CMSS1: variants seen among roughly 807,000 people sequenced by gnomAD.
CMSS1 encodes cms1 ribosomal small subunit homolog, also known as protein CMSS1.
In CMSS1, 33 loss-of-function variants were observed where a neutral mutation model predicts 43.5. The observed-to-expected ratio is 0.76, with a 90% CI of 0.57 to 1.01. CMSS1 has a LOEUF of 1.01. CMSS1 is among the 50% of genes least tolerant of loss of function. CMSS1 has a pLI of 0.00. For synonymous variants in CMSS1, 115 were observed against 117.2 expected, an observed-to-expected ratio of 0.98 and a Z score of 0.12; for missense variants, 313 against 326.4, an observed-to-expected ratio of 0.96 and a Z score of 0.32.
chr3:99,888,429 A>G (rs1236769441), intron 1 of CMSS1, among the ~76,000 whole-genome samples: 2 of 152,138 alleles, frequency 1.3e-5, no homozygotes, highest in African/African-American at 2.4e-5. Context: ...AGTAATTATG[A>G]TTTACCAAAG....
At chr3:99,830,886 G>A (rs1415659494) in intron 1 of CMSS1, among the ~76,000 whole-genome samples, 1 of 152,230 alleles carries the variant, frequency 6.6e-6, no homozygotes, top group East Asian at 1.9e-4. Context: ...ATATACAAGA[G>A]TAGTGTCCCA....
chr3:99,848,256 G>A (rs746394253), intron 1 of CMSS1: 14 of 1,607,768 alleles, frequency 8.7e-6, no homozygotes, highest in African/African-American at 1.3e-5. Flanking sequence ...AGTATGGACT[G>A]GATGAGGGTG....
intron 1 of CMSS1, among the ~76,000 whole-genome samples, chr3:100,079,135 T>C (rs1330046536): frequency 6.6e-6 from 1 of 152,182 alleles, no homozygotes; most frequent in African/African-American, 2.4e-5. Flanking sequence ...TCCCCAGTCC[T>C]CTCAGCGTTA....
At chr3:100,068,970 T>C (rs1388635324) in intron 1 of CMSS1, among the ~76,000 whole-genome samples, 1 of 152,182 alleles carries the variant, frequency 6.6e-6, no homozygotes, top group Non-Finnish European at 1.5e-5. Flanking sequence ...TAGAGGGACA[T>C]GACAGTGCAG....
intron 1 of CMSS1, among the ~76,000 whole-genome samples, chr3:100,119,724 A>G (rs1253517598): frequency 6.6e-6 from 1 of 152,250 alleles, no homozygotes; most frequent in Non-Finnish European, 1.5e-5. Context: ...AAAATTACAC[A>G]TATTAAACCA....
chr3:100,068,393 A>G (rs2065703510), intron 1 of CMSS1, among the ~76,000 whole-genome samples: 1 of 151,794 alleles, frequency 6.6e-6, no homozygotes, highest in Admixed American at 6.6e-5. Flanking sequence ...TCAGAGAGAT[A>G]TAGTATCTTT....
chr3:100,106,555 A>G (rs2066398655), intron 1 of CMSS1, among the ~76,000 whole-genome samples: 1 of 152,176 alleles, frequency 6.6e-6, no homozygotes, highest in South Asian at 2.1e-4. Flanking sequence ...TGAGAGCTGG[A>G]GAATGATTTC....
chr3:100,006,732 A>G (rs530163587), intron 1 of CMSS1, among the ~76,000 whole-genome samples: 2 of 152,150 alleles, frequency 1.3e-5, no homozygotes, highest in South Asian at 4.1e-4. Context: ...TAGTTAAGTT[A>G]GGAAATTAAA....
chr3:100,010,260 T>C, intron 1 of CMSS1: 1 of 337,988 alleles, frequency 3.0e-6, no homozygotes, highest in Admixed American at 6.4e-5. Context: ...CCCACAACAT[T>C]GTCCTTAGTA....
In CMSS1 at chr3:99,845,635, C is replaced by T. The variant is rs574398171; in HGVS notation, c.64+27592C>T. On this transcript the variant is annotated intron_variant, in intron 1 of 9. Coordinates refer to ENST00000421999, the MANE Select transcript of CMSS1 (RefSeq NM_032359.4). ...CTCTTTCTCTCTCTCCTCTCTCACA[C>T]GCACACAAAAAAATATAAGAAATCT... Among the ~76,000 whole-genome samples, 4 of 152,246 alleles carry T rather than the reference C, an allele frequency of 2.6e-5. No homozygotes were observed. The East Asian group carries it at 5.8e-4, about 22-fold the overall frequency.
At chr3:100,014,887 C>CTTTTTTTTTTTTTTTTTTTTTTTTTTT (rs1559725867) in intron 1 of CMSS1, among the ~76,000 whole-genome samples, 3 of 32,464 alleles carry the variant, frequency 9.2e-5, no homozygotes, top group African/African-American at 1.2e-4. Context: ...TTTTTTTTTT[C>CTTTTTTTTTTTTTTTTTTTTTTTTTTT]TTTCTTTCTT....
intron 2 of CMSS1, among the ~76,000 whole-genome samples, chr3:100,157,063 G>A (rs1220202653): frequency 5.3e-5 from 8 of 152,080 alleles, no homozygotes; most frequent in Non-Finnish European, 1.0e-4. Context: ...GCCCCCTACT[G>A]TTTTATGTGA....
At chr3:99,967,913 T>C (rs1708700306) in intron 1 of CMSS1, among the ~76,000 whole-genome samples, 1 of 152,182 alleles carries the variant, frequency 6.6e-6, no homozygotes, top group Non-Finnish European at 1.5e-5. Flanking sequence ...GATTTACAAA[T>C]AGATAAGTGC....
At chr3:99,920,183 A>G (rs1576573215) in intron 1 of CMSS1, among the ~76,000 whole-genome samples, 1 of 152,252 alleles carries the variant, frequency 6.6e-6, no homozygotes, top group South Asian at 2.1e-4. Flanking sequence ...CCAGAAATGC[A>G]GTAACATATA....
At chr3:99,821,347 A>G (rs1464294111) in intron 1 of CMSS1, among the ~76,000 whole-genome samples, 3 of 152,196 alleles carry the variant, frequency 2.0e-5, no homozygotes, top group African/African-American at 4.8e-5. Context: ...GTGGAAGGCT[A>G]TGCAATTAGA....
intron 1 of CMSS1, among the ~76,000 whole-genome samples, chr3:100,054,764 A>C (rs1398233630): frequency 6.6e-6 from 1 of 152,142 alleles, no homozygotes; most frequent in Non-Finnish European, 1.5e-5. Flanking sequence ...GATGAGATGC[A>C]CAACTTCTAT....
intron 1 of CMSS1, among the ~76,000 whole-genome samples, chr3:100,091,822 C>T (rs1181341887): frequency 6.6e-6 from 1 of 152,190 alleles, no homozygotes; most frequent in African/African-American, 2.4e-5. Flanking sequence ...CGTCTCCTCT[C>T]GTGATTCACA....
At chr3:99,868,913 T>C (rs1057401309) in intron 1 of CMSS1, among the ~76,000 whole-genome samples, 5 of 152,180 alleles carry the variant, frequency 3.3e-5, no homozygotes, top group Non-Finnish European at 7.4e-5. Context: ...TCTAATTTGT[T>C]TTAGTATATT....
At chr3:99,819,857 C>T (rs1020584547) in intron 1 of CMSS1, among the ~76,000 whole-genome samples, 57 of 151,372 alleles carry the variant, frequency 3.8e-4, no homozygotes, top group Non-Finnish European at 6.2e-4. Flanking sequence ...TGGGTTCAAG[C>T]GATTCTCCTG....
Sources: gnomAD v4.1 joint callset for allele counts (sites outside exome capture counted in the v4.1 genomes callset) on GRCh38, gnomAD v4.1.1 for gene constraint, MANE v1.5 for transcripts, NCBI Gene and HGNC (gene_info 2026-07-23, HGNC 2026-07-21) for gene names.